MED13: variants seen among roughly 807,000 people sequenced by gnomAD.
The protein encoded by MED13 is mediator complex subunit 13.
MED13 carries 23 observed loss-of-function variants against 225.2 expected under a neutral mutation model. The observed-to-expected ratio is 0.10, with a 90% confidence interval of 0.07 to 0.14. The LOEUF is 0.14. Among genes scored for constraint, MED13 ranks in the 10% least tolerant of loss-of-function variants. The probability of loss-of-function intolerance (pLI) is 1.00; values close to 1 mark genes in which losing one functional copy is unlikely to be tolerated. For missense variants in MED13, 2,197 were observed against 2,594.5 expected (o/e 0.85, Z 3.33); for synonymous variants, 942 against 889.2 (o/e 1.06, Z -1.06).
intron 2 of MED13, among the ~76,000 whole-genome samples, chr17:62,055,263 G>A (rs764224851): frequency 8.6e-5 from 13 of 151,658 alleles, no homozygotes; most frequent in Non-Finnish European, 1.3e-4. Context: ...TGCATGGCAC[G>A]GCTGTAGTCC....
Position 61,962,863 on chromosome 17 carries a change from A to G in MED13, c.4953T>C (p.Asn1651=). ...TAGAAGAGTTAGTGCTCTCGTCTGT[A>G]TTTTCGTATGTAAAAGGATCAATTA... ...VYIIDPFTYE[N]TDESTNSSSV... The change falls in exon 21 of 30, where the codon AAT becomes AAC. Residue 1651 remains asparagine (N), a synonymous_variant. Transcript: ENST00000397786. 6.2e-7 allele frequency: 1 copy of G among 1,614,116 alleles called. No homozygotes were observed. Among genetic ancestry groups the G allele is most frequent in the Non-Finnish European group, 8.5e-7 (1 of 1,180,024 alleles).
At chr17:61,982,092 C>T in intron 16 of MED13, 106 bp downstream of exon 16, 1 of 1,107,312 alleles carries the variant, frequency 9.0e-7, no homozygotes, top group Non-Finnish European at 1.3e-6. Flanking sequence ...TTAAGTCCAA[C>T]TTTAAATGTA....
Position 61,987,090 on chromosome 17 carries a change from T to C in MED13, c.2302A>G (p.Thr768Ala). ...RPTSHARPPSTSLIYDSDLAV... is the reference protein window; with the variant it reads ...RPTSHARPPSASLIYDSDLAV... ...AGGTCTGAGTCATAAATCAAACTTGTTGATGGAGGACGGGCATGACTAGTA... is the reference window on the plus strand; with the variant it reads ...AGGTCTGAGTCATAAATCAAACTTGCTGATGGAGGACGGGCATGACTAGTA... Residue 768 changes from threonine (T) to alanine (A), a missense_variant, in exon 12 of 30, where the codon ACA becomes GCA. This residue lies in a region of MED13 where 884 missense variants were observed against 918.5 expected (regional missense o/e 0.96). Coordinates refer to ENST00000397786, the MANE Select transcript of MED13 (RefSeq NM_005121.3). 6.2e-7 allele frequency: 1 copy of C among 1,609,194 alleles called. No homozygotes were observed. Among genetic ancestry groups the C allele is most frequent in the Non-Finnish European group, 8.5e-7 (1 of 1,177,286 alleles).
chr17:62,050,184 C>A (rs141219378), intron 3 of MED13, among the ~76,000 whole-genome samples: 1 of 151,638 alleles, frequency 6.6e-6, no homozygotes, highest in Non-Finnish European at 1.5e-5. Context: ...CATGGCGAAA[C>A]CTGTCTCTAC....
At position 61,982,336 on chromosome 17, in the gene MED13, C is replaced by A. The variant is rs757386950; in HGVS notation, c.3667G>T (p.Val1223Phe). The change falls in exon 16 of 30, where the codon GTT becomes TTT. Residue 1223 changes from valine to phenylalanine, a missense_variant. Transcript: ENST00000397786. ...TCATTGCAACAGTCACGCTCTTCAACACGTACCCAATTGCTAATTACACCA... is the reference window on the plus strand; with the variant it reads ...TCATTGCAACAGTCACGCTCTTCAAAACGTACCCAATTGCTAATTACACCA... Reference protein sequence around the residue: ...KSGVISNWVRVEERDCCNDCY... With the variant: ...KSGVISNWVRFEERDCCNDCY... 2.5e-6 allele frequency: 4 copies of A among 1,614,116 alleles called. No individual in the cohort carries two copies. The highest frequency in any genetic ancestry group is 3.3e-5 in the Admixed American group (2 of 60,012).
At chr17:62,008,282 T>C (rs1181871480) in intron 9 of MED13, among the ~76,000 whole-genome samples, 1 of 122,848 alleles carries the variant, frequency 8.1e-6, no homozygotes. Flanking sequence ...CGCGCAACTG[T>C]ACTCCAGCCT....
chr17:62,056,557 G>A (rs2080997913), intron 2 of MED13, among the ~76,000 whole-genome samples: 1 of 152,112 alleles, frequency 6.6e-6, no homozygotes, highest in South Asian at 2.1e-4. Context: ...GAAGCTAGGA[G>A]TTCAAGACTA....
Position 62,007,873 on chromosome 17 carries a change from G to C in MED13, c.1967+2677C>G, listed in dbSNP as rs2080466610. Among the ~76,000 whole-genome samples the C allele has an allele frequency of 3.3e-5, 5 of 151,834 alleles. No individual in the cohort carries two copies. In the South Asian group the frequency reaches 1.0e-3, roughly 32 times the overall value. On this transcript the variant is annotated intron_variant, in intron 9 of 29. Coordinates refer to ENST00000397786, the MANE Select transcript of MED13 (RefSeq NM_005121.3). ...AAAAAATAAAAAACATAAAAAATTA[G>C]CAGAGTGTGCTGGTGCGCACCTATA...
At chr17:62,041,475 T>C (rs575957470) in intron 3 of MED13, among the ~76,000 whole-genome samples, 10 of 152,338 alleles carry the variant, frequency 6.6e-5, no homozygotes, top group Admixed American at 2.6e-4. Context: ...ATAGTGGTGA[T>C]GGTTAACAAT....
In MED13 at chr17:61,961,794, C is replaced by T. The variant is rs1236776534; in HGVS notation, c.5065-15G>A. The T allele has an allele frequency of 4.4e-6, 7 of 1,601,124 alleles. No individual in the cohort carries two copies. In the Admixed American group the frequency reaches 1.0e-4, roughly 24 times the overall value. On this transcript the variant is annotated splice_polypyrimidine_tract_variant and intron_variant, in intron 21 of 29. Coordinates refer to ENST00000397786, the MANE Select transcript of MED13 (RefSeq NM_005121.3). Reference sequence around the variant, plus strand: ...CAAGGAATAATCTAAGAAGTATAGGCAAATATTACAAATGTTAAACTTCCA... The same window carrying T: ...CAAGGAATAATCTAAGAAGTATAGGTAAATATTACAAATGTTAAACTTCCA...
At position 61,952,992 on chromosome 17, in the gene MED13, A is replaced by G. The variant is rs1185716296; in HGVS notation, c.6090T>C (p.His2030=). 6.2e-7 allele frequency: 1 copy of G among 1,614,028 alleles called. No individual in the cohort carries two copies. Among genetic ancestry groups the G allele is most frequent in the South Asian group, 1.1e-5 (1 of 91,058 alleles). The change falls in exon 27 of 30, where the codon CAT becomes CAC. Residue 2030 remains histidine, a synonymous_variant. Coordinates refer to ENST00000397786, the MANE Select transcript of MED13 (RefSeq NM_005121.3). ...TGSPVHSPGS[H]YPHGGDAGKG... ...TGCCCGCATCACCTCCATGGGGGTA[A>G]TGAGATCCTGGAGAATGTACAGGAG...
chr17:62,051,837 C>G (rs1470878090), intron 3 of MED13, among the ~76,000 whole-genome samples: 2 of 152,180 alleles, frequency 1.3e-5, no homozygotes, highest in African/African-American at 4.8e-5. Context: ...CTTGAAGTCT[C>G]ACTAACTCAA....
At chr17:62,057,797 A>C (rs1048578573) in intron 2 of MED13, among the ~76,000 whole-genome samples, 17 of 152,242 alleles carry the variant, frequency 1.1e-4, no homozygotes, top group Non-Finnish European at 2.2e-4. Flanking sequence ...AGGAGCCAGG[A>C]AAAAGAACAA....
intron 8 of MED13, among the ~76,000 whole-genome samples, chr17:62,018,305 G>A (rs965817772): frequency 1.3e-5 from 2 of 152,074 alleles, no homozygotes. Flanking sequence ...AAAATGAAAA[G>A]TTAACAGTAC....
At chr17:62,063,716 A>C (rs1016691807) in intron 1 of MED13, among the ~76,000 whole-genome samples, 11 of 152,250 alleles carry the variant, frequency 7.2e-5, no homozygotes, top group African/African-American at 2.7e-4. Flanking sequence ...TTACAGAAGT[A>C]ACGTCTCTAA....
rs143171222 is a variant in MED13 at position 61,961,194 on chromosome 17, T to C, written c.5257-104A>G. 4.3e-4 allele frequency: 464 copies of C among 1,091,342 alleles called. No homozygotes were observed. The African/African-American group carries it at 6.6e-3, about 15-fold the overall frequency. The allele number at this position is 1,091,342 out of a possible 1,614,324, so 67.6% of individuals were successfully genotyped here. A position where few individuals can be genotyped will look rare whatever the true frequency, so the allele number is the denominator to read the frequency against. The stretch of plus-strand genomic sequence containing the variant: ...ACCCAATTATAAGATAATTGGAAAA[T>C]GACAGCTAAGCCAAAAATTGCACTT... On this transcript the variant is annotated intron_variant, in intron 22 of 29. Transcript: ENST00000397786.
Position 61,983,044 on chromosome 17 carries a change from G to T in MED13, c.2959C>A (p.Pro987Thr). The change falls in exon 16 of 30, where the codon CCT becomes ACT. Residue 987 changes from proline (P) to threonine (T), a missense_variant. Transcript: ENST00000397786. The part of the protein sequence containing the change: ...TPQTHTSFGM[P>T]PSSAPPSNSG... ...TTACTAGGAGGTGCACTGCTAGGAG[G>T]CATCCCAAAAGAAGTATGAGTTTGA... is the stretch of plus-strand genomic sequence containing the variant. The T allele has an allele frequency of 6.2e-7, 1 of 1,613,698 alleles. No homozygotes were observed. Among genetic ancestry groups the T allele is most frequent in the Middle Eastern group, 1.7e-4 (1 of 6,028 alleles).
Position 62,048,052 on chromosome 17 carries a change from ATATATATATATGTATATATG to A in MED13, c.470+4465_470+4484del, listed in dbSNP as rs1436715159. Reference sequence around the variant, plus strand: ...TATACATATACATATACATATATATATATATATATATGTATATATGTATATATATATCCCTGAAGGTGGAT... The same window carrying A: ...TATACATATACATATACATATATATATATATATATATCCCTGAAGGTGGAT... On this transcript the variant is annotated intron_variant, in intron 3 of 29. Transcript: ENST00000397786. Among the ~76,000 whole-genome samples the A allele has an allele frequency of 9.5e-4, 139 of 146,042 alleles. 1 individual carries two copies. The highest frequency in any genetic ancestry group is 2.8e-3 in the Admixed American group (41 of 14,444).
At chr17:62,021,006 TA>T (rs2143638433) in intron 8 of MED13, among the ~76,000 whole-genome samples, 1 of 149,660 alleles carries the variant, frequency 6.7e-6, no homozygotes, top group Non-Finnish European at 1.5e-5. Context: ...GGGTTGGGGG[TA>T]AGGTCACAGA....
Sources: allele counts gnomAD v4.1 joint callset (sites outside exome capture counted in the v4.1 genomes callset), GRCh38; gene constraint gnomAD v4.1.1; regional missense constraint gnomAD v4.1.1; transcripts MANE v1.5; gene names NCBI Gene and HGNC (gene_info 2026-07-23, HGNC 2026-07-21).